SLC30A5: variants seen among roughly 807,000 people sequenced by gnomAD.
SLC30A5 encodes solute carrier family 30 member 5, also known as proton-coupled zinc antiporter SLC30A5.
SLC30A5 carries 33 observed loss-of-function variants against 79.6 expected under a neutral mutation model. The ratio of observed to expected loss-of-function variants is 0.41; its 90% confidence interval spans 0.31 to 0.55. The LOEUF is 0.55. Ranked by LOEUF, SLC30A5 falls within the 20% of genes least tolerant of loss-of-function variation. SLC30A5 has a pLI of 0.20. For synonymous variants in SLC30A5, 299 were observed against 319.7 expected (o/e 0.94, Z 0.69); for missense variants, 788 against 928.1 (o/e 0.85, Z 1.96).
intron 14 of SLC30A5, among the ~76,000 whole-genome samples, chr5:69,127,796 T>G (rs2112007929): frequency 6.6e-6 from 1 of 152,318 alleles, no homozygotes; most frequent in East Asian, 1.9e-4. Flanking sequence ...GCACCTTTAC[T>G]TTAAGCTATT....
intron 5 of SLC30A5, among the ~76,000 whole-genome samples, chr5:69,110,140 C>T (rs185841328): frequency 5.3e-5 from 8 of 152,132 alleles, no homozygotes; most frequent in South Asian, 2.1e-4. Context: ...CTTGTATCTA[C>T]GCCTTAAGCT....
chr5:69,094,445 G>A, intron 1 of SLC30A5, 107 bp downstream of exon 1: 2 of 1,175,266 alleles, frequency 1.7e-6, no homozygotes, highest in Non-Finnish European at 2.1e-6. Flanking sequence ...CGGGGTCGGC[G>A]CGCCCTCTCC....
intron 6 of SLC30A5, 49 bp downstream of exon 6, chr5:69,113,276 A>G (rs1277394478): frequency 7.2e-7 from 1 of 1,380,878 alleles, no homozygotes; most frequent in Non-Finnish European, 1.0e-6. Context: ...GAGGAAAACT[A>G]GAAGCCTGGA....
intron 7 of SLC30A5, 89 bp downstream of exon 7, chr5:69,114,585 A>T: frequency 1.1e-6 from 1 of 900,324 alleles, no homozygotes; most frequent in Admixed American, 1.9e-5. Context: ...ATAAATTATC[A>T]GCTGGGCCCA....
intron 14 of SLC30A5, among the ~76,000 whole-genome samples, chr5:69,124,867 G>A (rs6888598): frequency 0.023 from 3,547 of 151,934 alleles, 138 homozygotes; most frequent in African/African-American, 0.082. Context: ...ACTGCACCCC[G>A]CCAGAAAAAT....
intron 1 of SLC30A5, among the ~76,000 whole-genome samples, chr5:69,100,228 A>G (rs1561286658): frequency 6.6e-6 from 1 of 152,090 alleles, no homozygotes; most frequent in East Asian, 1.9e-4. Context: ...TCAGCCTCCC[A>G]AAGTGCTGGG....
intron 14 of SLC30A5, among the ~76,000 whole-genome samples, chr5:69,126,630 T>A (rs420228): frequency 6.6e-6 from 1 of 151,444 alleles, no homozygotes; most frequent in Non-Finnish European, 1.5e-5. Flanking sequence ...ATTAGCTGGG[T>A]GTGGTGGCAC....
chr5:69,118,046 A>G (rs545923389), intron 11 of SLC30A5, among the ~76,000 whole-genome samples: 2 of 150,918 alleles, frequency 1.3e-5, no homozygotes, highest in South Asian at 2.1e-4. Context: ...GCGTAGTGGC[A>G]GGCACCTGTA....
chr5:69,094,075 C>A lies in SLC30A5; in HGVS notation c.-181C>A, dbSNP rs546686943. Reference sequence around the variant, plus strand: ...GCCGGAACTGATCGCGGCCTAGTCCCGACGCGTGTGTGCTAGTGAGCCGGA... The same window carrying A: ...GCCGGAACTGATCGCGGCCTAGTCCAGACGCGTGTGTGCTAGTGAGCCGGA... On this transcript the variant is annotated 5_prime_UTR_variant, in exon 1 of 16. Transcript: ENST00000396591. 2.5e-6 allele frequency: 1 copy of A among 401,966 alleles called. No homozygotes were observed. The highest frequency in any genetic ancestry group is 4.4e-6 in the Non-Finnish European group (1 of 226,040). 24.9% of individuals were successfully genotyped at this position (401,966 alleles called of 1,614,324 possible). A position where few individuals can be genotyped will look rare whatever the true frequency, so the allele number is the denominator to read the frequency against.
Position 69,114,820 on chromosome 5 carries a change from G to A in SLC30A5, c.612+324G>A, listed in dbSNP as rs181406770. On this transcript the variant is annotated intron_variant, in intron 7 of 15. Transcript: ENST00000396591. ...GCCGAGGTTGCAGTGAGCCAAGGTC[G>A]CGCTATTGCACTCCAGCCTGGGCAA... 1.9e-3 allele frequency among the ~76,000 whole-genome samples: 296 copies of A among 152,244 alleles called. 3 individuals carry two copies. Among genetic ancestry groups the A allele is most frequent in the Admixed American group, 5.6e-3 (86 of 15,278 alleles).
In SLC30A5 at chr5:69,104,079, T is replaced by G. The variant is rs755085306; in HGVS notation, c.274-552T>G. On this transcript the variant is annotated intron_variant, in intron 3 of 15. Coordinates refer to ENST00000396591, the MANE Select transcript of SLC30A5 (RefSeq NM_022902.5). ...AAAATTGTACTCTGAAGAAAAAGAT[T>G]TCAAAATCTACCAGCAGACAAGAAT... 6 of 1,518,678 alleles carry G rather than the reference T, an allele frequency of 4.0e-6. No homozygotes were observed. The African/African-American group carries it at 8.5e-5, about 22-fold the overall frequency. The allele number at this position is 1,518,678 out of a possible 1,614,324, so 94.1% of individuals were successfully genotyped here.
intron 1 of SLC30A5, among the ~76,000 whole-genome samples, chr5:69,100,231 G>A (rs906088985): frequency 6.6e-6 from 1 of 152,086 alleles, no homozygotes; most frequent in Non-Finnish European, 1.5e-5. Context: ...GCCTCCCAAA[G>A]TGCTGGGATT....
At chr5:69,119,731 T>C (rs889516275) in intron 12 of SLC30A5, among the ~76,000 whole-genome samples, 1 of 152,168 alleles carries the variant, frequency 6.6e-6, no homozygotes, top group African/African-American at 2.4e-5. Flanking sequence ...TAGAAGTACA[T>C]GACTCTGGCC....
chr5:69,120,763 C>A (rs184077497), intron 12 of SLC30A5, among the ~76,000 whole-genome samples: 52 of 152,210 alleles, frequency 3.4e-4, no homozygotes, highest in Admixed American at 5.2e-4. Flanking sequence ...TAAAGTAAAT[C>A]TCTTACTACT....
At chr5:69,097,214 C>A (rs1182063011) in intron 1 of SLC30A5, among the ~76,000 whole-genome samples, 2 of 141,460 alleles carry the variant, frequency 1.4e-5, no homozygotes, top group Non-Finnish European at 3.0e-5. Flanking sequence ...CTCCCGGATT[C>A]GCACCATTCT....
In SLC30A5 at chr5:69,116,514, C is replaced by G; in HGVS notation, c.1193C>G (p.Ser398Trp). 1 of 1,612,112 alleles carries G rather than the reference C, an allele frequency of 6.2e-7. No homozygotes were observed. Residue 398 changes from serine to tryptophan, a missense_variant, in exon 10 of 16, where the codon TCG (serine) becomes TGG (tryptophan). Ser to Trp is a radical substitution (Grantham distance 177). Coordinates refer to ENST00000396591, the MANE Select transcript of SLC30A5 (RefSeq NM_022902.5). This position sits in a 1 kb window ranked among gnomAD's most constrained non-coding sequence, Gnocchi z 4.0. ...MGDAFQHSSQ[S>W]IPRFIKESLK... ...GATGCTTTTCAGCATAGCTCTCAAT[C>G]GATCCCTAGGTTTATTAAGGAATCA... is the stretch of plus-strand genomic sequence containing the variant.
intron 11 of SLC30A5, 28 bp from the exon 12 acceptor site, chr5:69,118,470 CT>C: frequency 6.4e-7 from 1 of 1,563,480 alleles, no homozygotes; most frequent in Non-Finnish European, 8.6e-7. Context: ...TGTCCTTTTC[CT>C]TTTCTGAAAA....
At position 69,130,594 on chromosome 5, in the gene SLC30A5, C is replaced by G. The variant is rs907223374; in HGVS notation, c.*977C>G. The G allele has an allele frequency of 6.6e-6, 1 of 152,096 alleles. No individual in the cohort carries two copies. The highest frequency in any genetic ancestry group is 6.6e-5 in the Admixed American group (1 of 15,266). The allele number at this position is 152,096 out of a possible 1,614,324, so 9.4% of individuals were successfully genotyped here. On this transcript the variant is annotated 3_prime_UTR_variant, in exon 16 of 16. Coordinates refer to ENST00000396591, the MANE Select transcript of SLC30A5 (RefSeq NM_022902.5). ...AATATCAAAGAATAGGTAGTTATTT[C>G]AAAGTTTAATAAGTAAAACTTGTTC... is the stretch of plus-strand genomic sequence containing the variant.
intron 11 of SLC30A5, 22 bp downstream of exon 11, chr5:69,117,418 G>A: frequency 5.6e-6 from 9 of 1,608,914 alleles, no homozygotes; most frequent in South Asian, 1.1e-5. Flanking sequence ...GACTGTCGAG[G>A]TGGTATATCT....
Sources: gnomAD v4.1 joint callset for allele counts (sites outside exome capture counted in the v4.1 genomes callset) on GRCh38, gnomAD v4.1.1 for gene constraint, Gnocchi (gnomAD v3.1) non-coding constraint, MANE v1.5 for transcripts, NCBI Gene and HGNC (gene_info 2026-07-23, HGNC 2026-07-21) for gene names.